WWTR1: variants seen among roughly 807,000 people sequenced by gnomAD.
WWTR1 encodes the protein WW domain-containing transcription regulator protein 1.
WWTR1 carries 13 observed loss-of-function variants against 40.1 expected under a neutral mutation model. The ratio of observed to expected loss-of-function variants is 0.32; its 90% CI spans 0.21 to 0.52. WWTR1 has a LOEUF of 0.52. Ranked by LOEUF, WWTR1 falls within the 20% of genes least tolerant of loss-of-function variation. WWTR1 has a pLI of 0.97. For synonymous variants in WWTR1, 230 were observed against 210.1 expected (o/e 1.09, Z -0.82); for missense variants, 436 against 523.1 (o/e 0.83, Z 1.63).
intron 3 of WWTR1, among the ~76,000 whole-genome samples, chr3:149,563,421 A>G (rs1019219107): frequency 2.0e-4 from 30 of 152,260 alleles, no homozygotes; most frequent in Admixed American, 5.9e-4. Flanking sequence ...TAAACAATAC[A>G]TTTCAAGAAT....
At chr3:149,597,905 T>A (rs533571197) in intron 2 of WWTR1, among the ~76,000 whole-genome samples, 36 of 152,336 alleles carry the variant, frequency 2.4e-4, no homozygotes, top group African/African-American at 7.5e-4. Context: ...TCTGTGCAAA[T>A]CTTTTTGGAA....
intron 1 of WWTR1, among the ~76,000 whole-genome samples, chr3:149,694,439 A>G (rs956554196): frequency 3.3e-5 from 5 of 152,170 alleles, no homozygotes; most frequent in Non-Finnish European, 7.4e-5. Flanking sequence ...ACAAAAAAAC[A>G]AGGGATTAAT....
intron 4 of WWTR1, among the ~76,000 whole-genome samples, chr3:149,719,211 C>T (rs985063240): frequency 6.6e-6 from 1 of 151,514 alleles, no homozygotes; most frequent in Non-Finnish European, 1.5e-5. Context: ...CTCTGTTGCC[C>T]AGGCTGGGGT....
intron 2 of WWTR1, among the ~76,000 whole-genome samples, chr3:149,650,645 A>C (rs753614018): frequency 1.6e-5 from 2 of 123,936 alleles, no homozygotes; most frequent in Non-Finnish European, 3.7e-5. Context: ...CCCCTTCTCC[A>C]TTTCCTCTTC....
At chr3:149,569,177 A>G (rs1375279363) in intron 3 of WWTR1, among the ~76,000 whole-genome samples, 1 of 152,196 alleles carries the variant, frequency 6.6e-6, no homozygotes, top group Non-Finnish European at 1.5e-5. Flanking sequence ...TAATGAATAC[A>G]TTGTTCCTAA....
chr3:149,557,513 T>C (rs73867380), intron 3 of WWTR1, among the ~76,000 whole-genome samples: 7,568 of 152,184 alleles, frequency 0.05, 467 homozygotes, highest in East Asian at 0.15. Context: ...AAAGCCTTTA[T>C]CTCTTGAGTG....
rs2902737 is a variant in WWTR1 at position 149,664,063 on chromosome 3, C to T, written c.-4+5725G>A. 4.7e-3 allele frequency among the ~76,000 whole-genome samples: 719 copies of T among 152,330 alleles called. 2 individuals carry two copies. The highest frequency in any genetic ancestry group is 0.017 in the African/African-American group (691 of 41,568). ...TTCAGCTGCTTCTCAGCCCTACCTCCGGGTTGCTGACTTGGTCTGAATGAC... is the reference window on the plus strand; with the variant it reads ...TTCAGCTGCTTCTCAGCCCTACCTCTGGGTTGCTGACTTGGTCTGAATGAC... On this transcript the variant is annotated intron_variant, in intron 2 of 7. Transcript: ENST00000465804.
chr3:149,523,437 A>G (rs564768900), intron 6 of WWTR1, among the ~76,000 whole-genome samples: 4 of 152,188 alleles, frequency 2.6e-5, no homozygotes, highest in African/African-American at 9.6e-5. Flanking sequence ...TAGTAGACAC[A>G]AGATTTCTCC....
At position 149,544,611 on chromosome 3, in the gene WWTR1, G is replaced by T. The variant is rs563309942; in HGVS notation, c.569-2074C>A. ...GTAACCCAGAAAGGTTAAGGGATGTGCCCTGGTTAGTGGCAAGTAGAGCCA... is the reference window on the plus strand; with the variant it reads ...GTAACCCAGAAAGGTTAAGGGATGTTCCCTGGTTAGTGGCAAGTAGAGCCA... On this transcript the variant is annotated intron_variant, in intron 3 of 6. Transcript: ENST00000360632. Among the ~76,000 whole-genome samples the T allele has an allele frequency of 2.6e-5, 4 of 152,282 alleles. No homozygotes were observed. The South Asian group carries it at 8.3e-4, about 32-fold the overall frequency.
At chr3:149,559,381 A>T (rs1035153117) in intron 3 of WWTR1, among the ~76,000 whole-genome samples, 8 of 152,062 alleles carry the variant, frequency 5.3e-5, no homozygotes, top group African/African-American at 1.9e-4. Context: ...TGGGTAAAGG[A>T]GAATGATGTC....
intron 2 of WWTR1, among the ~76,000 whole-genome samples, chr3:149,621,455 C>T (rs1441222166): frequency 3.9e-5 from 6 of 152,082 alleles, no homozygotes; most frequent in African/African-American, 9.7e-5. Flanking sequence ...AGCAAGAGAC[C>T]GCTGCACCAC....
At chr3:149,585,542 C>T (rs548456816) in intron 2 of WWTR1, among the ~76,000 whole-genome samples, 1 of 143,134 alleles carries the variant, frequency 7.0e-6, no homozygotes, top group African/African-American at 2.6e-5. Context: ...ATAGTTCCCC[C>T]ACCAGCACCC....
At chr3:149,677,398 T>C (rs1026546862) in intron 1 of WWTR1, among the ~76,000 whole-genome samples, 2 of 152,216 alleles carry the variant, frequency 1.3e-5, no homozygotes, top group Non-Finnish European at 2.9e-5. Flanking sequence ...GTTGGCTCTA[T>C]TGTCTTCCCA....
chr3:149,527,736 C>T lies in WWTR1; in HGVS notation c.905+100G>A, dbSNP rs1735386641. ...TCCCTTTATTCTCACCCTCAACCCT[C>T]AAGCTCCCCACCTCTTCCCAATGTA... On this transcript the variant is annotated intron_variant, in intron 5 of 6. Coordinates refer to ENST00000360632, the MANE Select transcript of WWTR1 (RefSeq NM_015472.6). 3 of 1,547,284 alleles carry T rather than the reference C, an allele frequency of 1.9e-6. No individual in the cohort carries two copies. In the Admixed American group the frequency reaches 5.2e-5, roughly 27 times the overall value.
chr3:149,595,492 G>A (rs868012604), intron 2 of WWTR1, among the ~76,000 whole-genome samples: 2 of 151,886 alleles, frequency 1.3e-5, no homozygotes, highest in Admixed American at 6.6e-5. Context: ...TATTTTATTT[G>A]CTTGAAAATA....
At chr3:149,602,640 ACACT>A (rs1739291944) in intron 2 of WWTR1, among the ~76,000 whole-genome samples, 1 of 152,178 alleles carries the variant, frequency 6.6e-6, no homozygotes, top group Admixed American at 6.5e-5. Flanking sequence ...GGCCACACTG[ACACT>A]CAATTGGTGA....
chr3:149,548,840 G>C (rs1736485076), intron 3 of WWTR1, among the ~76,000 whole-genome samples: 1 of 152,168 alleles, frequency 6.6e-6, no homozygotes, highest in African/African-American at 2.4e-5. Context: ...TTTAGAATAT[G>C]TGGTTTTGTT....
At chr3:149,622,507 A>G (rs1303761826) in intron 2 of WWTR1, among the ~76,000 whole-genome samples, 1 of 138,234 alleles carries the variant, frequency 7.2e-6, no homozygotes, top group Non-Finnish European at 1.6e-5. Flanking sequence ...GGAAGGAAGA[A>G]AGAAAGAAAG....
intron 2 of WWTR1, among the ~76,000 whole-genome samples, chr3:149,653,794 G>C (rs1713036907): frequency 6.6e-6 from 1 of 152,192 alleles, no homozygotes; most frequent in South Asian, 2.1e-4. Context: ...CAACAGATTA[G>C]AGGTCCAGTC....
Sources: allele counts gnomAD v4.1 joint callset (sites outside exome capture counted in the v4.1 genomes callset), GRCh38; gene constraint gnomAD v4.1.1; transcripts MANE v1.5; gene names NCBI Gene and HGNC (gene_info 2026-07-23, HGNC 2026-07-21).